CEP57L1: variants seen among roughly 807,000 people sequenced by gnomAD.
The protein encoded by CEP57L1 is centrosomal protein CEP57L1.
CEP57L1 carries 37 observed loss-of-function variants against 61.0 expected under a neutral mutation model. The ratio of observed to expected loss-of-function variants is 0.61; its 90% CI spans 0.47 to 0.80. The LOEUF (loss-of-function observed/expected upper bound fraction) is 0.80, where lower values mean the gene tolerates loss of function less well. Ranked by LOEUF, CEP57L1 falls within the 30% of genes least tolerant of loss-of-function variation. The pLI, the probability that CEP57L1 is intolerant of heterozygous loss-of-function variation, is 0.00. For synonymous variants in CEP57L1, 137 were observed against 162.3 expected (o/e 0.84, Z 1.19); for missense variants, 422 against 524.7 (o/e 0.80, Z 1.91).
In CEP57L1 at chr6:109,168,469, T is replaced by G. The variant is rs1433133522; in HGVS notation, c.*5499T>G. On this transcript the variant is annotated 3_prime_UTR_variant, in exon 11 of 11. Transcript: ENST00000517392. ...ATTGCCATTCACTTCCCTTATGAAC[T>G]TAAGCCACTCAATTTCTGCATACTT... is the stretch of plus-strand genomic sequence containing the variant. Among the ~76,000 whole-genome samples, 2 of 152,196 alleles carry G rather than the reference T, an allele frequency of 1.3e-5. No homozygotes were observed. The highest frequency in any genetic ancestry group is 4.8e-5 in the African/African-American group (2 of 41,446).
intron 4 of CEP57L1, among the ~76,000 whole-genome samples, chr6:109,151,793 C>T (rs1381217836): frequency 1.3e-5 from 2 of 152,122 alleles, no homozygotes; most frequent in South Asian, 2.1e-4. Flanking sequence ...TAGGTGACAT[C>T]TTTTCTTCTT....
At chr6:109,142,717 A>G (rs1319914576) in intron 1 of CEP57L1, among the ~76,000 whole-genome samples, 1 of 152,082 alleles carries the variant, frequency 6.6e-6, no homozygotes, top group Non-Finnish European at 1.5e-5. Context: ...CACCTATAAA[A>G]TGTTCCATAA....
intron 1 of CEP57L1, among the ~76,000 whole-genome samples, chr6:109,144,977 T>TA (rs1316079851): frequency 6.6e-6 from 1 of 152,028 alleles, no homozygotes; most frequent in Non-Finnish European, 1.5e-5. Context: ...ATGTGATGCT[T>TA]ACTCCAGGGT....
chr6:109,156,012 A>C, intron 7 of CEP57L1, 135 bp downstream of exon 7: 1 of 520,672 alleles, frequency 1.9e-6, no homozygotes, highest in Non-Finnish European at 3.4e-6. Context: ...ATGCGTGTCA[A>C]GTAATGGATG....
intron 1 of CEP57L1, among the ~76,000 whole-genome samples, chr6:109,132,657 AG>A (rs1288255638): frequency 6.6e-6 from 1 of 152,224 alleles, no homozygotes; most frequent in African/African-American, 2.4e-5. Flanking sequence ...GTGTATGTAA[AG>A]AAATACATAT....
chr6:109,135,903 A>G (rs974557105), intron 1 of CEP57L1, among the ~76,000 whole-genome samples: 1 of 152,206 alleles, frequency 6.6e-6, no homozygotes, highest in Admixed American at 6.5e-5. Flanking sequence ...ATCATTAAAA[A>G]GTCAGGAAAC....
At chr6:109,142,522 G>A (rs1399999388) in intron 1 of CEP57L1, among the ~76,000 whole-genome samples, 3 of 151,470 alleles carry the variant, frequency 2.0e-5, no homozygotes, top group Non-Finnish European at 4.4e-5. Flanking sequence ...TATGGCACAT[G>A]TATACCTATG....
chr6:109,135,359 A>G (rs963404460), intron 1 of CEP57L1, among the ~76,000 whole-genome samples: 3 of 152,236 alleles, frequency 2.0e-5, no homozygotes, highest in Non-Finnish European at 2.9e-5. Context: ...CTGGCTAGCC[A>G]TATGTAGAAA....
intron 1 of CEP57L1, among the ~76,000 whole-genome samples, chr6:109,099,270 G>A (rs139485378): frequency 1.3e-3 from 201 of 152,258 alleles, no homozygotes; most frequent in African/African-American, 4.7e-3. Context: ...GAGTTTGGGT[G>A]GATTTGGAGT....
intron 3 of CEP57L1, among the ~76,000 whole-genome samples, chr6:109,149,332 A>G (rs1772326245): frequency 6.6e-6 from 1 of 152,202 alleles, no homozygotes; most frequent in Non-Finnish European, 1.5e-5. Flanking sequence ...TCAGCTTTCT[A>G]CATATGGCTA....
chr6:109,112,547 C>G (rs1185458592), intron 1 of CEP57L1, among the ~76,000 whole-genome samples: 1 of 152,020 alleles, frequency 6.6e-6, no homozygotes, highest in Non-Finnish European at 1.5e-5. Flanking sequence ...TTCTTGTCTT[C>G]TGCTAGCTTT....
At chr6:109,158,442 T>G (rs1773422904) in intron 7 of CEP57L1, 1 of 335,894 alleles carries the variant, frequency 3.0e-6, no homozygotes. Context: ...TGAGCCAAGA[T>G]CATACCACTG....
rs1363825437 is a variant in CEP57L1, at chr6:109,164,892, C to G, written c.*1922C>G. On this transcript the variant is annotated 3_prime_UTR_variant, in exon 11 of 11. Transcript: ENST00000517392. ...GTCAGGAGATTGAGACCATCCTGGC[C>G]AACATGTGAAACCCTGTCTCTACTA... 6.6e-6 allele frequency among the ~76,000 whole-genome samples: 1 copy of G among 151,864 alleles called. No homozygotes were observed. The highest frequency in any genetic ancestry group is 6.6e-5 in the Admixed American group (1 of 15,240).
intron 4 of CEP57L1, among the ~76,000 whole-genome samples, chr6:109,151,852 T>G (rs941862886): frequency 6.6e-6 from 1 of 152,214 alleles, no homozygotes; most frequent in African/African-American, 2.4e-5. Flanking sequence ...TCTCATAGTT[T>G]CTAATCAGAG....
At chr6:109,159,936 T>C (rs1773572692) in intron 9 of CEP57L1, among the ~76,000 whole-genome samples, 2 of 152,220 alleles carry the variant, frequency 1.3e-5, no homozygotes, top group Non-Finnish European at 2.9e-5. Flanking sequence ...TTTAGCTGAA[T>C]GAATTATTTC....
In CEP57L1 at chr6:109,163,099, G is replaced by T; in HGVS notation, c.*129G>T. On this transcript the variant is annotated 3_prime_UTR_variant, in exon 11 of 11. Coordinates refer to ENST00000517392, the MANE Select transcript of CEP57L1 (RefSeq NM_001271852.3). ...TCTAGTTTCTATAAAACATGAAGTT[G>T]CAGTATTTAAAAATTAATGCCTAAT... 1 of 653,174 alleles carries T rather than the reference G, an allele frequency of 1.5e-6. No individual in the cohort carries two copies. The allele number at this position is 653,174 out of a possible 1,614,324, so 40.5% of individuals were successfully genotyped here. A position where few individuals can be genotyped will look rare whatever the true frequency, so the allele number is the denominator to read the frequency against.
At chr6:109,097,201 A>C (rs991706365) in intron 1 of CEP57L1, among the ~76,000 whole-genome samples, 1 of 152,150 alleles carries the variant, frequency 6.6e-6, no homozygotes, top group East Asian at 1.9e-4. Context: ...TGCCAACCTT[A>C]TCTCTCAAAA....
Position 109,172,685 on chromosome 6 carries a change from A to C in CEP57L1, c.*9715A>C, listed in dbSNP as rs1438744813. On this transcript the variant is annotated 3_prime_UTR_variant, in exon 11 of 11. Transcript: ENST00000517392. The stretch of plus-strand genomic sequence containing the variant: ...TTGCCTCCAAATTTCCTCCTAAAGC[A>C]TGGAATTGGCCATAAATTTGCTTAG... 1.3e-5 allele frequency among the ~76,000 whole-genome samples: 2 copies of C among 152,184 alleles called. No homozygotes were observed. Among genetic ancestry groups the C allele is most frequent in the Non-Finnish European group, 2.9e-5 (2 of 68,036 alleles).
chr6:109,154,773 C>A (rs898303771), intron 5 of CEP57L1, among the ~76,000 whole-genome samples: 1 of 152,036 alleles, frequency 6.6e-6, no homozygotes, highest in Non-Finnish European at 1.5e-5. Flanking sequence ...TCTTAAGTAA[C>A]AAGGACCACA....
Sources: gnomAD v4.1 joint callset for allele counts (sites outside exome capture counted in the v4.1 genomes callset) on GRCh38, gnomAD v4.1.1 for gene constraint, MANE v1.5 for transcripts, NCBI Gene and HGNC (gene_info 2026-07-23, HGNC 2026-07-21) for gene names.